RPL15: variants seen among roughly 807,000 people sequenced by gnomAD.
The protein encoded by RPL15 is large ribosomal subunit protein eL15.
For missense variants in RPL15, 161 were observed against 271.8 expected (o/e 0.59, Z 2.87); for synonymous variants, 97 against 95.1 (o/e 1.02, Z -0.12).
chr3:23,920,898 C>A lies in RPL15; in HGVS notation c.*1397C>A. The A allele has an allele frequency of 2.3e-6, 1 of 433,102 alleles. No individual in the cohort carries two copies. The highest frequency in any genetic ancestry group is 3.1e-6 in the Non-Finnish European group (1 of 325,178). 26.8% of individuals were successfully genotyped at this position (433,102 alleles called of 1,614,324 possible). ...CTTACAGTGCTAATGTACTTTAAAG[C>A]AAACCAAATGCCCTAACCAGCAAAA... On this transcript the variant is annotated 3_prime_UTR_variant, in exon 4 of 4. Coordinates refer to ENST00000307839, the MANE Select transcript of RPL15 (RefSeq NM_002948.5).
downstream of RPL15, among the ~76,000 whole-genome samples, chr3:23,921,223 C>T (rs1402959545): frequency 1.3e-5 from 2 of 152,290 alleles, no homozygotes; most frequent in South Asian, 2.1e-4. Context: ...AAACCTTGTT[C>T]CTGTCCTTGC....
downstream of RPL15, chr3:23,921,626 G>A (rs1705088807): frequency 1.5e-6 from 1 of 646,948 alleles, no homozygotes; most frequent in Admixed American, 2.2e-5. Flanking sequence ...TCAGGTGGGA[G>A]TGCAGTGGGG....
Position 23,920,518 on chromosome 3 carries a change from C to T in RPL15, c.*1017C>T. 4 of 985,264 alleles carry T rather than the reference C, an allele frequency of 4.1e-6. No individual in the cohort carries two copies. The highest frequency in any genetic ancestry group is 4.8e-6 in the Non-Finnish European group (4 of 829,752). The allele number at this position is 985,264 out of a possible 1,614,324, so 61.0% of individuals were successfully genotyped here. On this transcript the variant is annotated 3_prime_UTR_variant, in exon 4 of 4. Coordinates refer to ENST00000307839, the MANE Select transcript of RPL15 (RefSeq NM_002948.5). Reference sequence around the variant, plus strand: ...ATGAGTATACCACCACATTGCATTTCTGTTTGCACCATGTCTTCCAGGAGA... The same window carrying T: ...ATGAGTATACCACCACATTGCATTTTTGTTTGCACCATGTCTTCCAGGAGA...
Position 23,917,874 on chromosome 3 carries a change from G to C in RPL15, c.15G>C (p.Lys5Asn). 1 of 1,609,136 alleles carries C rather than the reference G, an allele frequency of 6.2e-7. No individual in the cohort carries two copies. Among genetic ancestry groups the C allele is most frequent in the Non-Finnish European group, 8.5e-7 (1 of 1,178,630 alleles). The change falls in exon 2 of 4, where the codon AAG becomes AAC. Residue 5 changes from lysine (K) to asparagine (N), a missense_variant. Coordinates refer to ENST00000307839, the MANE Select transcript of RPL15 (RefSeq NM_002948.5). MGAY[K>N]YIQELWRKKQ... is the part of the protein sequence containing the mutation. ...GGTAAGCCAAGATGGGTGCATACAA[G>C]TACATCCAGGAGCTATGGAGAAAGA...
In RPL15 at chr3:23,920,554, G is replaced by A. The variant is rs1204887506; in HGVS notation, c.*1053G>A. 8 of 985,332 alleles carry A rather than the reference G, an allele frequency of 8.1e-6. No individual in the cohort carries two copies. Among genetic ancestry groups the A allele is most frequent in the African/African-American group, 3.5e-5 (2 of 57,338 alleles). 61.0% of individuals were successfully genotyped at this position (985,332 alleles called of 1,614,324 possible). On this transcript the variant is annotated 3_prime_UTR_variant, in exon 4 of 4. Coordinates refer to ENST00000307839, the MANE Select transcript of RPL15 (RefSeq NM_002948.5). The stretch of plus-strand genomic sequence containing the variant: ...ATGTCTTCCAGGAGACTAGACTACT[G>A]TTGTCCAGGGTCAATTTGAGTGTAA...
rs1704949042 is a variant in RPL15 at position 23,919,489 on chromosome 3, C to T, written c.603C>T (p.His201=). 1 of 1,572,030 alleles carries T rather than the reference C, an allele frequency of 6.4e-7. No individual in the cohort carries two copies. The highest frequency in any genetic ancestry group is 8.6e-7 in the Non-Finnish European group (1 of 1,165,064). Reference sequence around the variant, plus strand: ...GAAGGCGCAATACTCTCCAGCTCCACCGTTACCGCTAATATAAGTAAAGTT... The same window carrying T: ...GAAGGCGCAATACTCTCCAGCTCCATCGTTACCGCTAATATAAGTAAAGTT... The part of the protein sequence containing the change: ...AWRRRNTLQL[H]RYR Residue 201 remains histidine, a synonymous_variant, in exon 4 of 4, where the codon CAC becomes CAT. Coordinates refer to ENST00000307839, the MANE Select transcript of RPL15 (RefSeq NM_002948.5).
Position 23,919,525 on chromosome 3 carries a change from A to G in RPL15, c.*24A>G. 2 of 1,526,916 alleles carry G rather than the reference A, an allele frequency of 1.3e-6. No homozygotes were observed. Among genetic ancestry groups the G allele is most frequent in the African/African-American group, 2.8e-5 (2 of 72,666 alleles). 94.6% of individuals were successfully genotyped at this position (1,526,916 alleles called of 1,614,324 possible). A position where few individuals can be genotyped will look rare whatever the true frequency, so the allele number is the denominator to read the frequency against. ...AATATAAGTAAAGTTTGTAAAATTC[A>G]TACTTAATAAACAATTTAGGACAGT... On this transcript the variant is annotated 3_prime_UTR_variant, in exon 4 of 4. Coordinates refer to ENST00000307839, the MANE Select transcript of RPL15 (RefSeq NM_002948.5).
downstream of RPL15, chr3:23,921,457 C>T (rs551214398): frequency 3.3e-6 from 2 of 614,796 alleles, no homozygotes; most frequent in South Asian, 2.0e-5. Flanking sequence ...AAGCTTTACT[C>T]CAATATTAAG....
upstream of RPL15, chr3:23,916,886 C>G (rs1242813960): frequency 6.5e-6 from 1 of 152,786 alleles, no homozygotes; most frequent in Non-Finnish European, 1.5e-5. Context: ...GAGAGACAGT[C>G]GCCGACGCTC....
Position 23,918,044 on chromosome 3 carries a change from C to T in RPL15, c.172+13C>T, listed in dbSNP as rs775464348. On this transcript the variant is annotated intron_variant, in intron 2 of 3. Transcript: ENST00000307839. ...AAGGCCAAGCAAGGTACGTGATCGA[C>T]TGCGTGGATGCTTGGATAAAATTAT... 14 of 1,602,608 alleles carry T rather than the reference C, an allele frequency of 8.7e-6. No individual in the cohort carries two copies. Among genetic ancestry groups the T allele is most frequent in the South Asian group, 6.7e-5 (6 of 89,798 alleles).
At chr3:23,918,378 A>G in intron 2 of RPL15, 62 bp from the exon 3 acceptor site, 1 of 1,555,514 alleles carries the variant, frequency 6.4e-7, no homozygotes, top group Middle Eastern at 2.4e-4. Flanking sequence ...GTGACAAGCC[A>G]TTGAGTCTTA....
At position 23,920,574 on chromosome 3, in the gene RPL15, G is replaced by A; in HGVS notation, c.*1073G>A. 1.0e-6 allele frequency: 1 copy of A among 985,310 alleles called. No homozygotes were observed. Among genetic ancestry groups the A allele is most frequent in the Non-Finnish European group, 1.2e-6 (1 of 829,878 alleles). 61.0% of individuals were successfully genotyped at this position (985,310 alleles called of 1,614,324 possible). ...CTACTGTTGTCCAGGGTCAATTTGAGTGTAAAGAAAATGTAGACAAGGAAT... is the reference window on the plus strand; with the variant it reads ...CTACTGTTGTCCAGGGTCAATTTGAATGTAAAGAAAATGTAGACAAGGAAT... On this transcript the variant is annotated 3_prime_UTR_variant, in exon 4 of 4. Transcript: ENST00000307839.
At chr3:23,917,042 G>C (rs1284126877), upstream of RPL15, 1 of 152,570 alleles carries the variant, frequency 6.6e-6, no homozygotes, top group Non-Finnish European at 1.5e-5. Context: ...CGCGATGCCG[G>C]AACTACATGT....
intron 1 of RPL15, chr3:23,917,448 A>G: frequency 6.4e-6 from 1 of 155,754 alleles, no homozygotes; most frequent in Non-Finnish European, 1.4e-5. Flanking sequence ...GCCTAAAGTG[A>G]GGCTGCTGGT....
chr3:23,920,190 T>G lies in RPL15; in HGVS notation c.*689T>G, dbSNP rs1371663606. 1 of 985,750 alleles carries G rather than the reference T, an allele frequency of 1.0e-6. No individual in the cohort carries two copies. Among genetic ancestry groups the G allele is most frequent in the East Asian group, 1.1e-4 (1 of 8,834 alleles). 61.1% of individuals were successfully genotyped at this position (985,750 alleles called of 1,614,324 possible). A position where few individuals can be genotyped will look rare whatever the true frequency, so the allele number is the denominator to read the frequency against. On this transcript the variant is annotated 3_prime_UTR_variant, in exon 4 of 4. Transcript: ENST00000307839. ...CCATTAGATAAATACCTTTCAAGTG[T>G]GAGCTTAGACGTCAACCCTAAAATA...
In RPL15 at chr3:23,920,504, A is replaced by G; in HGVS notation, c.*1003A>G. On this transcript the variant is annotated 3_prime_UTR_variant, in exon 4 of 4. Coordinates refer to ENST00000307839, the MANE Select transcript of RPL15 (RefSeq NM_002948.5). ...CACCCACTTTGACTATGAGTATACC[A>G]CCACATTGCATTTCTGTTTGCACCA... is the stretch of plus-strand genomic sequence containing the variant. 1.0e-6 allele frequency: 1 copy of G among 985,126 alleles called. No homozygotes were observed. Among genetic ancestry groups the G allele is most frequent in the Non-Finnish European group, 1.2e-6 (1 of 829,688 alleles). The allele number at this position is 985,126 out of a possible 1,614,324, so 61.0% of individuals were successfully genotyped here.
intron 3 of RPL15, 49 bp downstream of exon 3, chr3:23,918,625 G>A: frequency 6.3e-7 from 1 of 1,582,544 alleles, no homozygotes; most frequent in South Asian, 1.1e-5. Context: ...TGGGGATGGT[G>A]GGAGAGAGAG....
At chr3:23,923,198 T>G (rs1705144125), downstream of RPL15, 1 of 151,406 alleles carries the variant, frequency 6.6e-6, no homozygotes, top group Non-Finnish European at 1.5e-5. Context: ...AGCTTATTCT[T>G]TATCAGCTCA....
chr3:23,919,062 A>C, intron 3 of RPL15, 134 bp from the exon 4 acceptor site: 3 of 646,782 alleles, frequency 4.6e-6, no homozygotes, highest in East Asian at 2.6e-5. Flanking sequence ...TCTAGGGAGA[A>C]ATGCTTAGTA....
Sources: gnomAD v4.1 joint callset for allele counts (sites outside exome capture counted in the v4.1 genomes callset) on GRCh38, gnomAD v4.1.1 for gene constraint, MANE v1.5 for transcripts, NCBI Gene and HGNC (gene_info 2026-07-23, HGNC 2026-07-21) for gene names.